PLEK2: variants seen among roughly 807,000 people sequenced by gnomAD.
PLEK2 encodes the protein pleckstrin 2.
Under a neutral mutation model 43.8 loss-of-function variants are expected in PLEK2, and 29 were observed. The observed-to-expected ratio is 0.66, with a 90% CI of 0.49 to 0.90. The LOEUF (loss-of-function observed/expected upper bound fraction) is 0.90, where lower values mean the gene tolerates loss of function less well. Among genes scored for constraint, PLEK2 ranks in the 40% least tolerant of loss-of-function variants. The probability of loss-of-function intolerance (pLI) is 0.00; values close to 1 mark genes in which losing one functional copy is unlikely to be tolerated. For synonymous variants in PLEK2, 162 were observed against 173.2 expected (o/e 0.94, Z 0.51); for missense variants, 398 against 448.1 (o/e 0.89, Z 1.01).
intron 3 of PLEK2, 81 bp from the exon 4 acceptor site, chr14:67,393,322 G>T: frequency 1.1e-6 from 1 of 933,864 alleles, no homozygotes; most frequent in Non-Finnish European, 1.8e-6. Flanking sequence ...CACTGCTAAG[G>T]GTATAAAGCA....
In PLEK2 at chr14:67,387,084, G is replaced by T; in HGVS notation, c.*245C>A. 3.0e-6 allele frequency: 1 copy of T among 331,084 alleles called. No homozygotes were observed. Among genetic ancestry groups the T allele is most frequent in the Non-Finnish European group, 5.5e-6 (1 of 183,036 alleles). The allele number at this position is 331,084 out of a possible 1,614,324, so 20.5% of individuals were successfully genotyped here. A position where few individuals can be genotyped will look rare whatever the true frequency, so the allele number is the denominator to read the frequency against. ...GCCCGAGGAAATGGCTGTTTGTGAT[G>T]CTGGGGAAAAGTCAAGATGCTGACG... On this transcript the variant is annotated 3_prime_UTR_variant, in exon 9 of 9. Transcript: ENST00000216446.
chr14:67,392,450 G>A (rs767551191), intron 5 of PLEK2, 23 bp from the exon 6 acceptor site: 8 of 1,558,330 alleles, frequency 5.1e-6, no homozygotes, highest in African/African-American at 1.4e-5. Flanking sequence ...AGGGAGCAAG[G>A]ACTCTGCTAC....
intron 1 of PLEK2, among the ~76,000 whole-genome samples, chr14:67,410,029 C>T (rs2086106747): frequency 6.6e-6 from 1 of 152,058 alleles, no homozygotes; most frequent in Non-Finnish European, 1.5e-5. Flanking sequence ...CTGGAATGAG[C>T]TCTAGGTATT....
chr14:67,412,098 T>TC lies in PLEK2; in HGVS notation c.-40dup. On this transcript the variant is annotated 5_prime_UTR_variant, in exon 1 of 9. Coordinates refer to ENST00000216446, the MANE Select transcript of PLEK2 (RefSeq NM_016445.3). Reference sequence around the variant, plus strand: ...CGCCAGGGCCACCCCAGGTGCGCCTTCCCCGCGCCTCGCGCTCCTCGGCAC... The same window carrying TC: ...CGCCAGGGCCACCCCAGGTGCGCCTTCCCCCGCGCCTCGCGCTCCTCGGCAC... 6.8e-7 allele frequency: 1 copy of TC among 1,480,082 alleles called. No individual in the cohort carries two copies. Among genetic ancestry groups the TC allele is most frequent in the South Asian group, 1.3e-5 (1 of 76,818 alleles). The allele number at this position is 1,480,082 out of a possible 1,614,324, so 91.7% of individuals were successfully genotyped here.
At chr14:67,392,223 G>C in intron 6 of PLEK2, 103 bp downstream of exon 6, 1 of 800,248 alleles carries the variant, frequency 1.2e-6, no homozygotes, top group Non-Finnish European at 2.2e-6. Context: ...GCTGTAATTG[G>C]TGCCCTCCAG....
At position 67,412,135 on chromosome 14, in the gene PLEK2, G is replaced by T. The variant is rs1280450129; in HGVS notation, c.-76C>A. On this transcript the variant is annotated 5_prime_UTR_variant, in exon 1 of 9. Coordinates refer to ENST00000216446, the MANE Select transcript of PLEK2 (RefSeq NM_016445.3). ...GCGCTCCTCGGCACCCGCGCAGCCC[G>T]CGCAGTCCGCGCCCACGGCGCCCAG... The T allele has an allele frequency of 3.1e-6, 4 of 1,278,400 alleles. No individual in the cohort carries two copies. The highest frequency in any genetic ancestry group is 7.6e-5 in the Admixed American group (2 of 26,156). The allele number at this position is 1,278,400 out of a possible 1,614,324, so 79.2% of individuals were successfully genotyped here. A position where few individuals can be genotyped will look rare whatever the true frequency, so the allele number is the denominator to read the frequency against.
At chr14:67,388,340 T>G in intron 7 of PLEK2, 38 bp from the exon 8 acceptor site, 1 of 1,316,648 alleles carries the variant, frequency 7.6e-7, no homozygotes. Context: ...AATTTGTGAA[T>G]GAACAAAAGG....
At chr14:67,388,784 A>C (rs1428133702) in intron 7 of PLEK2, among the ~76,000 whole-genome samples, 1 of 152,048 alleles carries the variant, frequency 6.6e-6, no homozygotes, top group Non-Finnish European at 1.5e-5. Flanking sequence ...GGTTCAAGCG[A>C]TTCTCCTGCC....
intron 1 of PLEK2, among the ~76,000 whole-genome samples, chr14:67,398,827 C>T (rs1040102102): frequency 1.1e-4 from 17 of 152,188 alleles, no homozygotes; most frequent in Admixed American, 6.5e-5. Flanking sequence ...TCCCAAAGTG[C>T]TAGGATTACA....
At chr14:67,388,798 G>A (rs2085946315) in intron 7 of PLEK2, among the ~76,000 whole-genome samples, 1 of 152,068 alleles carries the variant, frequency 6.6e-6, no homozygotes, top group South Asian at 2.1e-4. Flanking sequence ...TCCTGCCTCA[G>A]TCTCCCGAGG....
chr14:67,403,135 C>T (rs2086059584), intron 1 of PLEK2, among the ~76,000 whole-genome samples: 1 of 152,142 alleles, frequency 6.6e-6, no homozygotes, highest in Non-Finnish European at 1.5e-5. Context: ...GAGATGATAT[C>T]CCATTGTAGT....
chr14:67,388,128 C>A (rs772735027), intron 8 of PLEK2, 96 bp downstream of exon 8: 2 of 769,118 alleles, frequency 2.6e-6, no homozygotes, highest in Non-Finnish European at 4.6e-6. Context: ...AAGCCCTGCT[C>A]GGCTCCCAAA....
At chr14:67,397,890 G>T (rs966530436) in intron 1 of PLEK2, 64 bp from the exon 2 acceptor site, 2 of 1,380,696 alleles carry the variant, frequency 1.4e-6, no homozygotes, top group Admixed American at 2.1e-5. Context: ...GTTCAGGGAG[G>T]GGGTGTCTGG....
chr14:67,391,921 G>A (rs2139844752), intron 6 of PLEK2, among the ~76,000 whole-genome samples: 1 of 152,298 alleles, frequency 6.6e-6, no homozygotes, highest in Middle Eastern at 3.4e-3. Context: ...GTATCAAGGA[G>A]GCGTGCAGAA....
chr14:67,401,275 C>T (rs1297873349), intron 1 of PLEK2, among the ~76,000 whole-genome samples: 1 of 151,900 alleles, frequency 6.6e-6, no homozygotes, highest in Non-Finnish European at 1.5e-5. Flanking sequence ...TTGCTTGAGC[C>T]CAGGAGTTTG....
chr14:67,391,909 G>C (rs1029164918), intron 6 of PLEK2, among the ~76,000 whole-genome samples: 1 of 152,194 alleles, frequency 6.6e-6, no homozygotes, highest in African/African-American at 2.4e-5. Context: ...AGCTCAGAAA[G>C]TGTATCAAGG....
At position 67,392,356 on chromosome 14, in the gene PLEK2, C is replaced by T. The variant is rs777476738; in HGVS notation, c.741G>A (p.Thr247=). ...TGGCCAGGTAGCCTTGTTTCACCACCGTGCCACTTAACTCCACAGTGCTCA... is the reference window on the plus strand; with the variant it reads ...TGGCCAGGTAGCCTTGTTTCACCACTGTGCCACTTAACTCCACAGTGCTCA... The part of the protein sequence containing the change: ...ISLSTVELSG[T]VVKQGYLAKQ... The change falls in exon 6 of 9, where the codon ACG becomes ACA. Residue 247 remains threonine (T), a synonymous_variant. Coordinates refer to ENST00000216446, the MANE Select transcript of PLEK2 (RefSeq NM_016445.3). 10 of 1,613,046 alleles carry T rather than the reference C, an allele frequency of 6.2e-6. No individual in the cohort carries two copies. In the East Asian group the frequency reaches 1.3e-4, roughly 22 times the overall value.
intron 1 of PLEK2, among the ~76,000 whole-genome samples, chr14:67,408,350 A>AAAATC (rs2086094577): frequency 6.9e-6 from 1 of 144,574 alleles, no homozygotes; most frequent in Non-Finnish European, 1.5e-5. Context: ...AAAATAAAAT[A>AAAATC]AAATAAAAAA....
Position 67,392,712 on chromosome 14 carries a change from C to A in PLEK2, c.619G>T (p.Gly207Trp). 1.2e-6 allele frequency: 2 copies of A among 1,614,218 alleles called. No individual in the cohort carries two copies. The highest frequency in any genetic ancestry group is 1.7e-6 in the Non-Finnish European group (2 of 1,180,014). Reference sequence around the variant, plus strand: ...TCCAGGAACTGCTCGGCCAGATCCCCAGAGCGAATGGCTCCCATGCTTCGG... The same window carrying A: ...TCCAGGAACTGCTCGGCCAGATCCCAAGAGCGAATGGCTCCCATGCTTCGG... The part of the protein sequence containing the change: ...GVRSMGAIRS[G>W]DLAEQFLDDS... Residue 207 changes from glycine to tryptophan, a missense_variant, in exon 5 of 9, where the codon GGG becomes TGG. Coordinates refer to ENST00000216446, the MANE Select transcript of PLEK2 (RefSeq NM_016445.3).
Sources: allele counts gnomAD v4.1 joint callset (sites outside exome capture counted in the v4.1 genomes callset), GRCh38; gene constraint gnomAD v4.1.1; transcripts MANE v1.5; gene names NCBI Gene and HGNC (gene_info 2026-07-23, HGNC 2026-07-21).